SFT2D1: variants seen among roughly 807,000 people sequenced by gnomAD.
SFT2D1 encodes SFT2 domain containing 1.
SFT2D1 carries 24 observed loss-of-function variants against 28.1 expected under a neutral mutation model. The observed-to-expected ratio is 0.85, with a 90% CI of 0.62 to 1.20. SFT2D1 has a LOEUF of 1.20. SFT2D1 is among the 50% of genes most tolerant of loss of function. SFT2D1 has a pLI of 0.00. For missense variants in SFT2D1, 181 were observed against 190.9 expected (o/e 0.95, Z 0.31); for synonymous variants, 82 against 73.7 (o/e 1.11, Z -0.58).
chr6:166,342,351 G>A, intron 1 of SFT2D1, 68 bp downstream of exon 1: 1 of 1,452,366 alleles, frequency 6.9e-7, no homozygotes, highest in South Asian at 1.3e-5. Context: ...CCACCCGCTC[G>A]GCCGGTCCTC....
intron 5 of SFT2D1, among the ~76,000 whole-genome samples, chr6:166,325,126 C>A (rs990455500): frequency 6.6e-6 from 1 of 152,146 alleles, no homozygotes; most frequent in Non-Finnish European, 1.5e-5. Context: ...TATTTATCTT[C>A]AATCTACTGT....
At chr6:166,335,730 C>T (rs1778636772) in intron 1 of SFT2D1, among the ~76,000 whole-genome samples, 1 of 152,198 alleles carries the variant, frequency 6.6e-6, no homozygotes. Flanking sequence ...CAGCAGTAGC[C>T]ATGGCACTGG....
In SFT2D1 at chr6:166,326,185, G is replaced by A. The variant is rs1307553621; in HGVS notation, c.316-18C>T. On this transcript the variant is annotated intron_variant, in intron 4 of 7. Coordinates refer to ENST00000361731, the MANE Select transcript of SFT2D1 (RefSeq NM_145169.3). ...AAACACAACTACAGGGGAAGAAAGA[G>A]TAGATTATAAGTTTGAGATCCTTTC... The A allele has an allele frequency of 1.2e-6, 2 of 1,610,490 alleles. No homozygotes were observed. The highest frequency in any genetic ancestry group is 8.5e-7 in the Non-Finnish European group (1 of 1,177,316).
intron 3 of SFT2D1, among the ~76,000 whole-genome samples, chr6:166,328,930 G>T (rs1778500467): frequency 6.6e-6 from 1 of 152,158 alleles, no homozygotes; most frequent in South Asian, 2.1e-4. Flanking sequence ...TGTCACTACT[G>T]CCACACCCTG....
intron 1 of SFT2D1, among the ~76,000 whole-genome samples, chr6:166,341,956 C>A (rs560627512): frequency 2.0e-5 from 3 of 152,318 alleles, no homozygotes; most frequent in East Asian, 3.9e-4. Context: ...AGACCACCCC[C>A]CAGCAAACAC....
chr6:166,340,434 C>A (rs1263013723), intron 1 of SFT2D1, among the ~76,000 whole-genome samples: 9 of 152,212 alleles, frequency 5.9e-5, no homozygotes, highest in African/African-American at 1.9e-4. Flanking sequence ...TGAGAATCCC[C>A]CTTCCTGCTT....
intron 3 of SFT2D1, 38 bp downstream of exon 3, chr6:166,329,469 G>T: frequency 1.9e-6 from 3 of 1,574,230 alleles, no homozygotes; most frequent in Non-Finnish European, 2.6e-6. Flanking sequence ...AAATTTGGTA[G>T]CAAGAGCAAA....
intron 1 of SFT2D1, among the ~76,000 whole-genome samples, chr6:166,332,604 T>C (rs930540416): frequency 1.3e-5 from 2 of 152,150 alleles, no homozygotes; most frequent in African/African-American, 4.8e-5. Flanking sequence ...TTACCACCAA[T>C]CAGGAGCAAT....
chr6:166,335,085 T>C (rs1778620284), intron 1 of SFT2D1: 1 of 569,688 alleles, frequency 1.8e-6, no homozygotes, highest in Admixed American at 1.9e-5. Flanking sequence ...ATACTGTGAA[T>C]GGCCAAAACT....
Position 166,328,405 on chromosome 6 carries a change from C to T in SFT2D1, c.234-48G>A, listed in dbSNP as rs748222634. ...CTGAGGTACAGGTCTACTAATTTAT[C>T]TGGTTATGCAAAAATAAACTACTTT... On this transcript the variant is annotated intron_variant, in intron 3 of 7. Coordinates refer to ENST00000361731, the MANE Select transcript of SFT2D1 (RefSeq NM_145169.3). The T allele has an allele frequency of 5.4e-6, 6 of 1,102,370 alleles. No homozygotes were observed. In the South Asian group the frequency reaches 1.1e-4, roughly 20 times the overall value. 68.3% of individuals were successfully genotyped at this position (1,102,370 alleles called of 1,614,324 possible).
intron 3 of SFT2D1, among the ~76,000 whole-genome samples, chr6:166,329,175 T>G (rs1778504902): frequency 6.6e-6 from 1 of 152,134 alleles, no homozygotes; most frequent in Non-Finnish European, 1.5e-5. Context: ...CAGCACTGAC[T>G]CCCCTGCTCT....
intron 2 of SFT2D1, 84 bp from the exon 3 acceptor site, chr6:166,329,673 T>C (rs1457482045): frequency 9.0e-6 from 9 of 1,003,658 alleles, no homozygotes; most frequent in Non-Finnish European, 1.2e-5. Flanking sequence ...AGTAATACAA[T>C]ACCAATATTA....
chr6:166,340,946 A>G (rs1236005222), intron 1 of SFT2D1, among the ~76,000 whole-genome samples: 2 of 152,164 alleles, frequency 1.3e-5, no homozygotes, highest in African/African-American at 4.8e-5. Context: ...TCCCCTCTAG[A>G]CAGTGGGCTC....
chr6:166,327,957 C>G (rs780718722), intron 4 of SFT2D1, among the ~76,000 whole-genome samples: 1 of 151,986 alleles, frequency 6.6e-6, no homozygotes, highest in Non-Finnish European at 1.5e-5. Context: ...GCCACCTCAC[C>G]GGGCTAATTT....
Position 166,329,612 on chromosome 6 carries a change from T to C in SFT2D1, c.151-23A>G, listed in dbSNP as rs753592026. The C allele has an allele frequency of 4.5e-6, 7 of 1,543,394 alleles. 1 individual carries two copies. Among genetic ancestry groups the C allele is most frequent in the African/African-American group, 2.8e-5 (2 of 71,462 alleles). On this transcript the variant is annotated intron_variant, in intron 2 of 7. Transcript: ENST00000361731. ...TCCCTAAGTTAAGATATTATAGTTA[T>C]TTTAAAATAATTTTATGATTTTAAT...
In SFT2D1 at chr6:166,330,236, G is replaced by C. The variant is rs763285588; in HGVS notation, c.75C>G (p.Ala25=). Residue 25 remains alanine (A), a synonymous_variant, in exon 2 of 8, where the codon GCC becomes GCG. Transcript: ENST00000361731. ...EQGLTAQVLD[A]SSLSFNTRLK... Reference sequence around the variant, plus strand: ...ATCTGGTGTTGAAACTAAGGGATGAGGCATCCAGGACCTTAATAAAAAATG... The same window carrying C: ...ATCTGGTGTTGAAACTAAGGGATGACGCATCCAGGACCTTAATAAAAAATG... 6.2e-7 allele frequency: 1 copy of C among 1,601,756 alleles called. No individual in the cohort carries two copies. Among genetic ancestry groups the C allele is most frequent in the South Asian group, 1.1e-5 (1 of 88,548 alleles).
Position 166,338,904 on chromosome 6 carries a change from C to T in SFT2D1, c.63+3515G>A, listed in dbSNP as rs190387975. 3.3e-5 allele frequency among the ~76,000 whole-genome samples: 5 copies of T among 152,240 alleles called. No homozygotes were observed. In the East Asian group the frequency reaches 7.8e-4, roughly 24 times the overall value. On this transcript the variant is annotated intron_variant, in intron 1 of 7. Transcript: ENST00000361731. ...CCGTGCCTCTCCCCGGGGCTCAAAG[C>T]GCCTGCATAGGAGGATGATGCAGCC...
intron 3 of SFT2D1, among the ~76,000 whole-genome samples, chr6:166,328,645 G>C (rs1444689622): frequency 1.3e-5 from 2 of 152,214 alleles, no homozygotes; most frequent in Non-Finnish European, 2.9e-5. Context: ...AAGGCCCTTG[G>C]AGGAGAGGCT....
At chr6:166,324,330 A>G in intron 6 of SFT2D1, 2 of 489,096 alleles carry the variant, frequency 4.1e-6, no homozygotes, top group South Asian at 4.2e-5. Flanking sequence ...CTACGAGCAC[A>G]GCACCCCATA....
Sources: allele counts gnomAD v4.1 joint callset (sites outside exome capture counted in the v4.1 genomes callset), GRCh38; gene constraint gnomAD v4.1.1; transcripts MANE v1.5; gene names NCBI Gene and HGNC (gene_info 2026-07-23, HGNC 2026-07-21).